The following DNAJB14 variants were observed in gnomAD, a reference collection of about 807,000 sequenced individuals.
DNAJB14 encodes DnaJ heat shock protein family (Hsp40) member B14.
In DNAJB14, 22 loss-of-function variants were observed where a neutral mutation model predicts 48.4. That is an observed-to-expected ratio of 0.45 (90% CI 0.32 to 0.65). The LOEUF (loss-of-function observed/expected upper bound fraction) is 0.65, where lower values mean the gene tolerates loss of function less well. DNAJB14 is among the 30% of genes least tolerant of loss of function. The pLI is 0.03. For synonymous variants in DNAJB14, 142 were observed against 158.7 expected (o/e 0.89, Z 0.79); for missense variants, 319 against 458.8 (o/e 0.70, Z 2.78).
intron 1 of DNAJB14, among the ~76,000 whole-genome samples, chr4:99,935,238 C>T (rs1056347897): frequency 2.0e-5 from 3 of 152,070 alleles, no homozygotes; most frequent in Non-Finnish European, 4.4e-5. Context: ...GCAAAAAGAG[C>T]AAATGACTTA....
intron 1 of DNAJB14, among the ~76,000 whole-genome samples, chr4:99,934,353 G>T (rs142392376): frequency 6.6e-6 from 1 of 152,070 alleles, no homozygotes; most frequent in Non-Finnish European, 1.5e-5. Flanking sequence ...AAAAGGATGA[G>T]TATGAATTAA....
intron 2 of DNAJB14, chr4:99,923,818 C>T: frequency 3.1e-6 from 3 of 981,322 alleles, no homozygotes; most frequent in Non-Finnish European, 3.6e-6. Context: ...GGATTATAGG[C>T]ATAAACCACT....
At chr4:99,939,683 A>C (rs1421982493) in intron 1 of DNAJB14, among the ~76,000 whole-genome samples, 1 of 152,228 alleles carries the variant, frequency 6.6e-6, no homozygotes, top group Non-Finnish European at 1.5e-5. Context: ...GGCTCCATCA[A>C]GTGAAAATGT....
intron 4 of DNAJB14, among the ~76,000 whole-genome samples, chr4:99,907,912 C>T (rs1725523828): frequency 6.6e-6 from 1 of 152,284 alleles, no homozygotes; most frequent in East Asian, 1.9e-4. Context: ...ACAGTAAGTC[C>T]TCACTTAACG....
chr4:99,934,917 A>C (rs904442805), intron 1 of DNAJB14, among the ~76,000 whole-genome samples: 4 of 141,010 alleles, frequency 2.8e-5, no homozygotes, highest in Non-Finnish European at 6.1e-5. Flanking sequence ...AACTAGAAGA[A>C]ACTAGACTCA....
intron 3 of DNAJB14, among the ~76,000 whole-genome samples, chr4:99,921,688 G>A (rs1560739337): frequency 6.6e-6 from 1 of 152,014 alleles, no homozygotes; most frequent in Admixed American, 6.6e-5. Context: ...GCTTTTGGGG[G>A]AATATATGAT....
intron 3 of DNAJB14, among the ~76,000 whole-genome samples, chr4:99,912,383 G>A (rs1233830374): frequency 6.6e-6 from 1 of 151,888 alleles, no homozygotes; most frequent in African/African-American, 2.4e-5. Context: ...CCCCTCATAT[G>A]AATTTTAGAA....
intron 3 of DNAJB14, among the ~76,000 whole-genome samples, chr4:99,914,500 G>C (rs995704779): frequency 4.6e-5 from 7 of 152,052 alleles, no homozygotes; most frequent in African/African-American, 1.4e-4. Context: ...GTTGTGGGGT[G>C]GGGGGAGTGG....
At chr4:99,905,728 T>A in intron 5 of DNAJB14, 22 bp from the exon 6 acceptor site, 1 of 1,594,098 alleles carries the variant, frequency 6.3e-7, no homozygotes, top group Non-Finnish European at 8.6e-7. Flanking sequence ...GATCAAAGAA[T>A]AACAAATTGT....
chr4:99,918,851 G>C (rs771203018), intron 3 of DNAJB14, among the ~76,000 whole-genome samples: 4 of 152,210 alleles, frequency 2.6e-5, no homozygotes, highest in African/African-American at 4.8e-5. Context: ...CTAGCAGGGA[G>C]AATGAGCACC....
chr4:99,922,255 T>C (rs1219923874), intron 3 of DNAJB14, among the ~76,000 whole-genome samples: 1 of 152,202 alleles, frequency 6.6e-6, no homozygotes, highest in Non-Finnish European at 1.5e-5. Context: ...TTCTACCTTT[T>C]TGGAAGATGT....
At chr4:99,914,395 C>T (rs1725775243) in intron 3 of DNAJB14, among the ~76,000 whole-genome samples, 1 of 151,934 alleles carries the variant, frequency 6.6e-6, no homozygotes, top group African/African-American at 2.4e-5. Context: ...ATCGCAAGGA[C>T]AAAAAACCAA....
intron 4 of DNAJB14, 59 bp from the exon 5 acceptor site, chr4:99,906,670 T>C (rs1176174925): frequency 7.3e-7 from 1 of 1,373,296 alleles, no homozygotes; most frequent in South Asian, 1.3e-5. Context: ...AAAAAATACA[T>C]TTTCTTTCAC....
rs1725472548 is a variant in DNAJB14, at chr4:99,906,501, C to A, written c.732+16G>T. 6.2e-7 allele frequency: 1 copy of A among 1,607,206 alleles called. No individual in the cohort carries two copies. The highest frequency in any genetic ancestry group is 2.2e-5 in the East Asian group (1 of 44,758). The stretch of plus-strand genomic sequence containing the variant: ...GCTGAAATTTGCCATTTTGTGATTT[C>A]TAGTCATAAACGTACATCTCCTCTT... On this transcript the variant is annotated intron_variant, in intron 5 of 7. Transcript: ENST00000442697.
intron 4 of DNAJB14, among the ~76,000 whole-genome samples, chr4:99,906,995 A>T (rs533926014): frequency 6.6e-6 from 1 of 152,320 alleles, no homozygotes; most frequent in Non-Finnish European, 1.5e-5. Flanking sequence ...CTAGAAATCA[A>T]AAGATAGTGT....
Position 99,897,254 on chromosome 4 carries a change from C to CA in DNAJB14, c.*3773dup, listed in dbSNP as rs1196376176. The CA allele has an allele frequency of 6.7e-6, 1 of 148,332 alleles. No homozygotes were observed. Among genetic ancestry groups the CA allele is most frequent in the Non-Finnish European group, 1.5e-5 (1 of 67,218 alleles). The allele number at this position is 148,332 out of a possible 1,614,324, so 9.2% of individuals were successfully genotyped here. A position where few individuals can be genotyped will look rare whatever the true frequency, so the allele number is the denominator to read the frequency against. ...CATAGACACATCCACAGAATATTCA[C>CA]AAATCTATTGGCCCCAACACCAGCA... On this transcript the variant is annotated 3_prime_UTR_variant, in exon 8 of 8. Coordinates refer to ENST00000442697, the MANE Select transcript of DNAJB14 (RefSeq NM_001031723.4).
chr4:99,905,937 T>A (rs572891742), intron 5 of DNAJB14: 189 of 1,342,648 alleles, frequency 1.4e-4, no homozygotes, highest in Non-Finnish European at 1.7e-4. Context: ...ATTTTATAGA[T>A]GAGGAAGTCT....
chr4:99,902,729 G>A (rs181502875), intron 7 of DNAJB14, among the ~76,000 whole-genome samples: 3 of 152,244 alleles, frequency 2.0e-5, no homozygotes, highest in Non-Finnish European at 4.4e-5. Context: ...CTGAGAAGAC[G>A]TTGGAGCACA....
rs1331381368 is a variant in DNAJB14 at position 99,898,292 on chromosome 4, A to T, written c.*2736T>A. On this transcript the variant is annotated 3_prime_UTR_variant, in exon 8 of 8. Transcript: ENST00000442697. ...TTTCTCTACCAAATCTTTGTAAATC[A>T]TAAACAAGCATGTAATGATTATGAA... 1 of 152,074 alleles carries T rather than the reference A, an allele frequency of 6.6e-6. No homozygotes were observed. The allele number at this position is 152,074 out of a possible 1,614,324, so 9.4% of individuals were successfully genotyped here. A position where few individuals can be genotyped will look rare whatever the true frequency, so the allele number is the denominator to read the frequency against.
Sources: allele counts gnomAD v4.1 joint callset (sites outside exome capture counted in the v4.1 genomes callset), GRCh38; gene constraint gnomAD v4.1.1; transcripts MANE v1.5; gene names NCBI Gene and HGNC (gene_info 2026-07-23, HGNC 2026-07-21).